ATP1A2: variants seen among roughly 807,000 people sequenced by gnomAD.
ATP1A2 encodes ATPase Na+/K+ transporting subunit alpha 2.
ATP1A2 carries 56 observed loss-of-function variants against 113.1 expected under a neutral mutation model. The observed-to-expected ratio is 0.49, with a 90% CI of 0.40 to 0.62. ATP1A2 has a LOEUF of 0.62. Ranked by LOEUF, ATP1A2 falls within the 20% of genes least tolerant of loss-of-function variation. The pLI, the probability that ATP1A2 is intolerant of heterozygous loss-of-function variation, is 0.00. For missense variants in ATP1A2, 712 were observed against 1,357.8 expected, an observed-to-expected ratio of 0.52 and a Z score of 7.47; for synonymous variants, 490 against 526.8, an observed-to-expected ratio of 0.93 and a Z score of 0.96.
In ATP1A2 at chr1:160,135,771, T is replaced by C. The variant is rs1381243603; in HGVS notation, c.2285-68T>C. ...CCTCTCTTGGGAAGACAGGCAGCCATGCTTCAGGGGCTGGGGGTGGGGAAG... is the reference window on the plus strand; with the variant it reads ...CCTCTCTTGGGAAGACAGGCAGCCACGCTTCAGGGGCTGGGGGTGGGGAAG... On this transcript the variant is annotated intron_variant, in intron 16 of 22. Transcript: ENST00000361216. The surrounding 1 kb of genome is among the most constrained non-coding windows in gnomAD (Gnocchi z 6.3). 3.1e-6 allele frequency: 5 copies of C among 1,612,950 alleles called. No homozygotes were observed. The South Asian group carries it at 5.5e-5, about 18-fold the overall frequency.
Position 160,134,599 on chromosome 1 carries a change from C to T in ATP1A2, c.1943C>T (p.Pro648Leu), listed in dbSNP as rs1203871664. ...VEDIAARLNI[P>L]MSQVNPREAK... ...GACATTGCAGCCCGGCTCAACATTC[C>T]CATGAGTCAAGTCAACCCCAGGTGA... Residue 648 changes from proline to leucine, a missense_variant, in exon 14 of 23, where the codon CCC becomes CTC. Pro to Leu is a moderately conservative substitution (Grantham distance 98). Around this residue, in one of 6 missense-constraint regions of ATP1A2, gnomAD observed 263 missense variants for 380.6 expected, o/e 0.69. Transcript: ENST00000361216. 3 of 1,614,088 alleles carry T rather than the reference C, an allele frequency of 1.9e-6. No individual in the cohort carries two copies. The highest frequency in any genetic ancestry group is 3.3e-5 in the Admixed American group (2 of 60,008).
In ATP1A2 at chr1:160,130,450, A is replaced by G. The variant is rs200038951; in HGVS notation, c.1680A>G (p.Gly560=). Residue 560 remains glycine, a synonymous_variant, in exon 13 of 23, where the codon GGA becomes GGG. Coordinates refer to ENST00000361216, the MANE Select transcript of ATP1A2 (RefSeq NM_000702.4). ...LGFCQLNLPS[G]KFPRGFKFDT... is the part of the protein sequence containing the mutation. ...TCTGTCAACTGAATCTGCCATCTGG[A>G]AAGTTTCCTCGGGGCTTCAAATTCG... 32 of 1,614,188 alleles carry G rather than the reference A, an allele frequency of 2.0e-5. No individual in the cohort carries two copies. In the East Asian group the frequency reaches 7.1e-4, roughly 36 times the overall value.
At position 160,136,383 on chromosome 1, in the gene ATP1A2, C is replaced by T. The variant is rs368595457; in HGVS notation, c.2563+13C>T. The T allele has an allele frequency of 3.7e-6, 6 of 1,613,794 alleles. No homozygotes were observed. In the African/African-American group the frequency reaches 8.0e-5, roughly 22 times the overall value. On this transcript the variant is annotated intron_variant, in intron 18 of 22. Transcript: ENST00000361216. ...TACGGACAGATCGGTGCGCCAAGCC[C>T]CGGGCCTCGGGAGGGAACCCCAACA...
intron 20 of ATP1A2, among the ~76,000 whole-genome samples, chr1:160,138,574 G>GT (rs1468239324): frequency 6.6e-6 from 1 of 152,190 alleles, no homozygotes; most frequent in East Asian, 1.9e-4. Flanking sequence ...GGGGACAGTG[G>GT]TTCACACCTG....
chr1:160,124,400 C>T lies in ATP1A2; in HGVS notation c.600C>T (p.Asp200=), dbSNP rs1060504129. 6.2e-6 allele frequency: 10 copies of T among 1,611,580 alleles called. No individual in the cohort carries two copies. The South Asian group carries it at 7.7e-5, about 12-fold the overall frequency. ...AGGGTGGAGACCGCGTCCCTGCTGACCTCCGGATCATCTCTTCTCATGGCT... is the reference window on the plus strand; with the variant it reads ...AGGGTGGAGACCGCGTCCCTGCTGATCTCCGGATCATCTCTTCTCATGGCT... The part of the protein sequence containing the change: ...EVKGGDRVPA[D]LRIISSHGCK... The change falls in exon 6 of 23, where the codon GAC becomes GAT. Residue 200 remains aspartate (D), a synonymous_variant. Coordinates refer to ENST00000361216, the MANE Select transcript of ATP1A2 (RefSeq NM_000702.4).
intron 14 of ATP1A2, 21 bp downstream of exon 14, chr1:160,134,641 C>G: frequency 6.2e-7 from 1 of 1,614,162 alleles, no homozygotes. Context: ...TGCAGGAAGC[C>G]CCTGTGCCCT....
At chr1:160,121,635 C>G (rs1651402407) in intron 3 of ATP1A2, among the ~76,000 whole-genome samples, 1 of 152,238 alleles carries the variant, frequency 6.6e-6, no homozygotes, top group Admixed American at 6.5e-5. Flanking sequence ...ATTTGCTGGG[C>G]CCCTGCTACA....
chr1:160,129,185 G>C, intron 10 of ATP1A2, 81 bp from the exon 11 acceptor site: 1 of 1,610,370 alleles, frequency 6.2e-7, no homozygotes, highest in South Asian at 1.1e-5. Flanking sequence ...TGGCTGCCTT[G>C]GGGGTTTCAG....
At chr1:160,127,912 A>C (rs1201940724) in intron 8 of ATP1A2, 92 bp downstream of exon 8, 6 of 1,490,316 alleles carry the variant, frequency 4.0e-6, no homozygotes, top group Non-Finnish European at 5.4e-6. Context: ...GCTTCTCACT[A>C]CTTTTTCCCC....
chr1:160,136,746 T>A (rs1558009139), intron 19 of ATP1A2, 31 bp downstream of exon 19: 1 of 1,614,092 alleles, frequency 6.2e-7, no homozygotes, highest in Non-Finnish European at 8.5e-7. Flanking sequence ...ACAGCGCACA[T>A]GTGTGAAGGT....
At chr1:160,117,044 G>A (rs1319217057) in intron 1 of ATP1A2, among the ~76,000 whole-genome samples, 1 of 152,132 alleles carries the variant, frequency 6.6e-6, no homozygotes, top group Non-Finnish European at 1.5e-5. Context: ...ACCTGTGTTT[G>A]TGTCTCAGCA....
At chr1:160,128,908 T>C in intron 9 of ATP1A2, 58 bp downstream of exon 9, 1 of 1,607,782 alleles carries the variant, frequency 6.2e-7, no homozygotes, top group South Asian at 1.1e-5. Flanking sequence ...GGCAGTGGCG[T>C]GGTGGGGTGA....
chr1:160,124,214 G>A (rs1390857762), intron 5 of ATP1A2, 82 bp from the exon 6 acceptor site: 15 of 1,554,590 alleles, frequency 9.6e-6, no homozygotes, highest in Non-Finnish European at 1.3e-5. Context: ...TTCTCCTTCT[G>A]CTTGACGGTG....
intron 1 of ATP1A2, among the ~76,000 whole-genome samples, chr1:160,117,182 A>G (rs964867219): frequency 1.3e-5 from 2 of 152,282 alleles, no homozygotes; most frequent in East Asian, 1.9e-4. Flanking sequence ...GGAAGAGGTC[A>G]TAGCTGCAGG....
intron 10 of ATP1A2, 81 bp from the exon 11 acceptor site, chr1:160,129,184 TG>T (rs1651688716): frequency 1.2e-6 from 2 of 1,610,470 alleles, no homozygotes; most frequent in African/African-American, 1.3e-5. Context: ...GTGGCTGCCT[TG>T]GGGGTTTCAG....
At chr1:160,128,468 T>C (rs2101988915) in intron 8 of ATP1A2, 184 bp from the exon 9 acceptor site, 1 of 1,525,396 alleles carries the variant, frequency 6.6e-7, no homozygotes, top group Middle Eastern at 1.7e-4. Flanking sequence ...GCATTTCATC[T>C]TAACAGATAC....
At chr1:160,118,826 T>G (rs373132075) in intron 1 of ATP1A2, among the ~76,000 whole-genome samples, 1 of 152,120 alleles carries the variant, frequency 6.6e-6, no homozygotes, top group African/African-American at 2.4e-5. Flanking sequence ...AGATGCTGAA[T>G]TGGCGACCTC....
chr1:160,136,128 G>C (rs1651927943), intron 17 of ATP1A2, 119 bp from the exon 18 acceptor site: 2 of 1,599,222 alleles, frequency 1.3e-6, no homozygotes, highest in Admixed American at 1.7e-5. Flanking sequence ...AAGACAATGG[G>C]GTCTGAATAC....
chr1:160,139,762 G>A (rs1408137314), intron 21 of ATP1A2, 21 bp downstream of exon 21: 1 of 1,613,824 alleles, frequency 6.2e-7, no homozygotes, highest in Admixed American at 1.7e-5. Context: ...CTTTCGGGCG[G>A]CCTGAGTAGT....
Sources: allele counts gnomAD v4.1 joint callset (sites outside exome capture counted in the v4.1 genomes callset), GRCh38; gene constraint gnomAD v4.1.1; regional missense constraint gnomAD v4.1.1; non-coding constraint Gnocchi (gnomAD v3.1); transcripts MANE v1.5; gene names NCBI Gene and HGNC (gene_info 2026-07-23, HGNC 2026-07-21).